CSF3R: variants seen among roughly 807,000 people sequenced by gnomAD.
CSF3R encodes colony stimulating factor 3 receptor.
A neutral mutation model predicts 84.4 loss-of-function variants in CSF3R; 52 were observed. That is an observed-to-expected ratio of 0.62 (90% CI 0.49 to 0.78). CSF3R has a LOEUF of 0.78. CSF3R is among the 30% of genes least tolerant of loss of function. The pLI is 0.00. For synonymous variants in CSF3R, 384 were observed against 429.1 expected, an observed-to-expected ratio of 0.89 and a Z score of 1.30; for missense variants, 890 against 1,055.7, an observed-to-expected ratio of 0.84 and a Z score of 2.17.
At position 36,472,795 on chromosome 1, in the gene CSF3R, A is replaced by G. The variant is rs765460826; in HGVS notation, c.674-109T>C. On this transcript the variant is annotated intron_variant, in intron 6 of 16. Transcript: ENST00000373106. The surrounding 1 kb of genome is among the most constrained non-coding windows in gnomAD (Gnocchi z 5.0). ...GGTTCACCATCTGTCCACGTTGCCA[A>G]TGACACGTTTCTGTGGTTCGATCTC... is the stretch of plus-strand genomic sequence containing the variant. 15 of 1,308,990 alleles carry G rather than the reference A, an allele frequency of 1.1e-5. No homozygotes were observed. The African/African-American group carries it at 1.9e-4, about 17-fold the overall frequency. The allele number at this position is 1,308,990 out of a possible 1,614,324, so 81.1% of individuals were successfully genotyped here.
chr1:36,469,529 A>G (rs1570582241), intron 11 of CSF3R, 123 bp downstream of exon 11: 2 of 1,200,580 alleles, frequency 1.7e-6, no homozygotes, highest in East Asian at 2.3e-5. Flanking sequence ...AGAACAACGA[A>G]GGATCAAGAA....
intron 10 of CSF3R, among the ~76,000 whole-genome samples, 169 bp from the exon 11 acceptor site, chr1:36,470,009 G>C (rs566939721): frequency 6.6e-6 from 1 of 152,306 alleles, no homozygotes; most frequent in East Asian, 1.9e-4. Context: ...GATGATAAAA[G>C]TTCCTAACTC....
intron 10 of CSF3R, among the ~76,000 whole-genome samples, 181 bp from the exon 11 acceptor site, chr1:36,470,021 T>C (rs890189202): frequency 2.0e-5 from 3 of 152,298 alleles, no homozygotes; most frequent in Non-Finnish European, 2.9e-5. Context: ...TCCTAACTCA[T>C]AGGGTCTTAG....
At position 36,467,009 on chromosome 1, in the gene CSF3R, G is replaced by A. The variant is rs181146665; in HGVS notation, c.2041-182C>T. ...ACATGCCTGACACATGCCATGCACC[G>A]TTCAGACTCAGCATGGTCAGTTTTT... is the stretch of plus-strand genomic sequence containing the variant. On this transcript the variant is annotated intron_variant, in intron 16 of 16. Transcript: ENST00000373106. This position sits in a 1 kb window ranked among gnomAD's most constrained non-coding sequence, Gnocchi z 4.1. 123 of 1,457,746 alleles carry A rather than the reference G, an allele frequency of 8.4e-5. No homozygotes were observed. Among genetic ancestry groups the A allele is most frequent in the Middle Eastern group, 5.2e-4 (3 of 5,776 alleles). 90.3% of individuals were successfully genotyped at this position (1,457,746 alleles called of 1,614,324 possible).
chr1:36,469,098 G>A, intron 12 of CSF3R, 58 bp downstream of exon 12: 1 of 1,272,590 alleles, frequency 7.9e-7, no homozygotes, highest in Non-Finnish European at 1.1e-6. Context: ...TGGGGACCAG[G>A]CAGAGCCTTG....
At chr1:36,481,905 C>T (rs1052867180) in intron 1 of CSF3R, 1 of 152,454 alleles carries the variant, frequency 6.6e-6, no homozygotes, top group Non-Finnish European at 1.5e-5. Flanking sequence ...CAGGTGCTCA[C>T]TCCTGTGGCC....
intron 3 of CSF3R, among the ~76,000 whole-genome samples, chr1:36,478,253 G>A (rs1651289302): frequency 1.3e-5 from 2 of 152,028 alleles, no homozygotes; most frequent in South Asian, 4.1e-4. Context: ...ACAGGGCTGG[G>A]CGCGGTGGTT....
chr1:36,466,649 G>A lies in CSF3R; in HGVS notation c.2219C>T (p.Pro740Leu), dbSNP rs1299592686. The A allele has an allele frequency of 6.2e-7, 1 of 1,614,198 alleles. No homozygotes were observed. The highest frequency in any genetic ancestry group is 1.3e-5 in the African/African-American group (1 of 75,070). The change falls in exon 17 of 17, where the codon CCC becomes CTC. Residue 740 changes from proline to leucine, a missense_variant. Transcript: ENST00000373106. The surrounding 1 kb of genome is among the most constrained non-coding windows in gnomAD (Gnocchi z 4.6). ...ATCGCTGGTGCCAGACTGGGATTGG[G>A]GCTGGGTGGAAACTGCTCTTGGGTC... ...QGDPRAVSTQ[P>L]QSQSGTSDQV...
chr1:36,466,473 T>G lies in CSF3R; in HGVS notation c.2395A>C (p.Thr799Pro). 1.2e-6 allele frequency: 2 copies of G among 1,611,580 alleles called. No homozygotes were observed. The highest frequency in any genetic ancestry group is 1.7e-6 in the Non-Finnish European group (2 of 1,178,950). The part of the protein sequence containing the change: ...NLWFQASPLG[T>P]LVTPAPSQED... Reference sequence around the variant, plus strand: ...TGGCTTGGGGCTGGGGTTACCAGGGTCCCCAAGGGGCTGGCCTGGAACCAG... The same window carrying G: ...TGGCTTGGGGCTGGGGTTACCAGGGGCCCCAAGGGGCTGGCCTGGAACCAG... The change falls in exon 17 of 17, where the codon ACC becomes CCC. Residue 799 changes from threonine to proline, a missense_variant. Coordinates refer to ENST00000373106, the MANE Select transcript of CSF3R (RefSeq NM_000760.4). The surrounding 1 kb of genome is among the most constrained non-coding windows in gnomAD (Gnocchi z 4.6).
chr1:36,477,539 C>T (rs3917938), intron 3 of CSF3R: 5,012 of 151,918 alleles, frequency 0.033, 117 homozygotes, highest in East Asian at 0.076. Flanking sequence ...GGATGACAGG[C>T]ATGAGCCACT....
chr1:36,478,699 A>AG (rs1651329536), intron 3 of CSF3R, among the ~76,000 whole-genome samples: 1 of 142,180 alleles, frequency 7.0e-6, no homozygotes, highest in Non-Finnish European at 1.5e-5. Flanking sequence ...AAATACAACA[A>AG]CAAAAAAAAA....
At position 36,467,127 on chromosome 1, in the gene CSF3R, G is replaced by A. The variant is rs1476303840; in HGVS notation, c.2040+103C>T. ...CAGTCCAAAGGGACGAGATGTTGCCGGAAGTGACAGGAAGGCCTGAGTACT... is the reference window on the plus strand; with the variant it reads ...CAGTCCAAAGGGACGAGATGTTGCCAGAAGTGACAGGAAGGCCTGAGTACT... On this transcript the variant is annotated intron_variant, in intron 16 of 16. Coordinates refer to ENST00000373106, the MANE Select transcript of CSF3R (RefSeq NM_000760.4). This position sits in a 1 kb window ranked among gnomAD's most constrained non-coding sequence, Gnocchi z 4.1. 8.8e-6 allele frequency: 12 copies of A among 1,365,368 alleles called. No individual in the cohort carries two copies. Among genetic ancestry groups the A allele is most frequent in the South Asian group, 3.5e-5 (3 of 85,006 alleles). 84.6% of individuals were successfully genotyped at this position (1,365,368 alleles called of 1,614,324 possible).
In CSF3R at chr1:36,466,916, G is replaced by T. The variant is rs370189850; in HGVS notation, c.2041-89C>A. ...CTGTCTGGGTCCGGGCAGCTGTGGG[G>T]ACATTCAACTGTTGTTACTGGTGGA... On this transcript the variant is annotated intron_variant, in intron 16 of 16. Coordinates refer to ENST00000373106, the MANE Select transcript of CSF3R (RefSeq NM_000760.4). The surrounding 1 kb of genome is among the most constrained non-coding windows in gnomAD (Gnocchi z 4.6). 1 of 1,613,488 alleles carries T rather than the reference G, an allele frequency of 6.2e-7. No individual in the cohort carries two copies. The highest frequency in any genetic ancestry group is 8.5e-7 in the Non-Finnish European group (1 of 1,180,036).
In CSF3R at chr1:36,475,702, G is replaced by A. The variant is rs752104286; in HGVS notation, c.65-29C>T. On this transcript the variant is annotated intron_variant, in intron 3 of 16. Transcript: ENST00000373106. ...GGGTGGAAGAGAATGGGCCAGGAACGACGCCTCTGCCTAGCAGAGCTGGGC... is the reference window on the plus strand; with the variant it reads ...GGGTGGAAGAGAATGGGCCAGGAACAACGCCTCTGCCTAGCAGAGCTGGGC... The A allele has an allele frequency of 6.3e-6, 10 of 1,595,882 alleles. No individual in the cohort carries two copies. In the East Asian group the frequency reaches 1.6e-4, roughly 25 times the overall value.
Position 36,472,284 on chromosome 1 carries a change from G to A in CSF3R, c.951C>T (p.His317=). ...IRCIRWPLPG[H]WSDWSPSLEL... is the part of the protein sequence containing the mutation. ...CCAGGCTGGGGCTCCAGTCGCTCCA[G>A]TGGCCAGGCAGGGGCCAGCGGATGC... Residue 317 remains histidine, a synonymous_variant, in exon 8 of 17, where the codon CAC becomes CAT. Transcript: ENST00000373106. The surrounding 1 kb of genome is among the most constrained non-coding windows in gnomAD (Gnocchi z 5.0). 2 of 1,614,184 alleles carry A rather than the reference G, an allele frequency of 1.2e-6. No individual in the cohort carries two copies. Among genetic ancestry groups the A allele is most frequent in the East Asian group, 2.2e-5 (1 of 44,874 alleles).
chr1:36,467,679 T>A lies in CSF3R; in HGVS notation c.1865-28A>T, dbSNP rs1376346107. ...GCAGTGAGGGCAGGGCCGGAAGAAG[T>A]TAGAATGCATGTTGGGAAGGCTGGG... is the stretch of plus-strand genomic sequence containing the variant. On this transcript the variant is annotated intron_variant, in intron 14 of 16. Coordinates refer to ENST00000373106, the MANE Select transcript of CSF3R (RefSeq NM_000760.4). The surrounding 1 kb of genome is among the most constrained non-coding windows in gnomAD (Gnocchi z 4.1). 1 of 1,613,158 alleles carries A rather than the reference T, an allele frequency of 6.2e-7. No individual in the cohort carries two copies. Among genetic ancestry groups the A allele is most frequent in the Non-Finnish European group, 8.5e-7 (1 of 1,179,120 alleles).
chr1:36,474,997 C>A, intron 4 of CSF3R, among the ~76,000 whole-genome samples: 1 of 147,468 alleles, frequency 6.8e-6, no homozygotes, highest in East Asian at 2.0e-4. Flanking sequence ...AGGTAGTACT[C>A]TTTTTTTTTT....
At chr1:36,471,339 GC>G in intron 10 of CSF3R, 93 bp downstream of exon 10, 1 of 1,267,592 alleles carries the variant, frequency 7.9e-7, no homozygotes. Flanking sequence ...GAGCCACTGC[GC>G]CCGGCCAATA....
At chr1:36,471,053 T>G (rs1292015219) in intron 10 of CSF3R, among the ~76,000 whole-genome samples, 1 of 152,036 alleles carries the variant, frequency 6.6e-6, no homozygotes, top group Non-Finnish European at 1.5e-5. Context: ...TTTGTTTTTT[T>G]TTGTTTTTTT....
Sources: gnomAD v4.1 joint callset for allele counts (sites outside exome capture counted in the v4.1 genomes callset) on GRCh38, gnomAD v4.1.1 for gene constraint, Gnocchi (gnomAD v3.1) non-coding constraint, MANE v1.5 for transcripts, NCBI Gene and HGNC (gene_info 2026-07-23, HGNC 2026-07-21) for gene names.